CMBL: variants seen among roughly 807,000 people sequenced by gnomAD.
CMBL encodes carboxymethylenebutenolidase homolog, also known as carboxymethylenebutenolidase homolog (Pseudomonas).
Under a neutral mutation model 28.7 loss-of-function variants are expected in CMBL, and 17 were observed. The observed-to-expected ratio is 0.59, with a 90% confidence interval of 0.41 to 0.89. The LOEUF (loss-of-function observed/expected upper bound fraction) is 0.89, where lower values mean the gene tolerates loss of function less well. Ranked by LOEUF, CMBL falls within the 40% of genes least tolerant of loss-of-function variation. CMBL has a pLI of 0.00. For synonymous variants in CMBL, 106 were observed against 101.6 expected (o/e 1.04, Z -0.26); for missense variants, 310 against 298.5 (o/e 1.04, Z -0.28).
intron 1 of CMBL, among the ~76,000 whole-genome samples, chr5:10,306,430 A>G (rs1456557983): frequency 6.6e-6 from 1 of 152,052 alleles, no homozygotes; most frequent in Non-Finnish European, 1.5e-5. Flanking sequence ...AGGGAAGGCC[A>G]GGAGGGAGGG....
intron 1 of CMBL, chr5:10,307,191 T>C (rs561586322): frequency 6.0e-4 from 91 of 152,254 alleles, no homozygotes; most frequent in African/African-American, 2.1e-3. Context: ...TAGTTGCAAA[T>C]ATGCTCAGTT....
chr5:10,303,751 T>C (rs1579478906), intron 1 of CMBL, among the ~76,000 whole-genome samples: 4 of 152,322 alleles, frequency 2.6e-5, no homozygotes. Context: ...TATCCGCTCC[T>C]GACTCACTAA....
At chr5:10,299,885 T>C (rs984447355) in intron 1 of CMBL, among the ~76,000 whole-genome samples, 1 of 152,038 alleles carries the variant, frequency 6.6e-6, no homozygotes, top group African/African-American at 2.4e-5. Context: ...CACAGGCACA[T>C]GCAGTGATTA....
intron 3 of CMBL, 61 bp from the exon 4 acceptor site, chr5:10,286,557 T>G: frequency 6.6e-7 from 1 of 1,516,356 alleles, no homozygotes; most frequent in Non-Finnish European, 9.0e-7. Flanking sequence ...CTCAAAGAGC[T>G]GTGCTGATGA....
In CMBL at chr5:10,290,789, G is replaced by C. The variant is rs376223226; in HGVS notation, c.-19-8C>G. ...GCAGAGATTTAAGTCGGGCTATGGA[G>C]AGAGAAACATGCGTTATATTCTGAA... On this transcript the variant is annotated splice_polypyrimidine_tract_variant and splice_region_variant and intron_variant, in intron 1 of 5. Coordinates refer to ENST00000296658, the MANE Select transcript of CMBL (RefSeq NM_138809.4). 6.2e-5 allele frequency: 98 copies of C among 1,583,334 alleles called. No individual in the cohort carries two copies. The South Asian group carries it at 6.6e-4, about 11-fold the overall frequency.
intron 4 of CMBL, among the ~76,000 whole-genome samples, chr5:10,283,470 A>G (rs1395398801): frequency 2.6e-5 from 4 of 152,268 alleles, no homozygotes; most frequent in Non-Finnish European, 5.9e-5. Flanking sequence ...TGGGCCTAGC[A>G]GGTCAGTCTA....
chr5:10,280,411 T>G lies in CMBL; in HGVS notation c.*42A>C, dbSNP rs369632245. 7.5e-5 allele frequency: 109 copies of G among 1,461,480 alleles called. No individual in the cohort carries two copies. The African/African-American group carries it at 1.4e-3, about 18-fold the overall frequency. 90.5% of individuals were successfully genotyped at this position (1,461,480 alleles called of 1,614,324 possible). On this transcript the variant is annotated 3_prime_UTR_variant, in exon 6 of 6. Transcript: ENST00000296658. ...GATCTAACTATTTCCAAGCAAATTT[T>G]GGGATGAAAGCTATTCTAGGAAGGC...
chr5:10,301,925 G>A (rs1746907407), intron 1 of CMBL, among the ~76,000 whole-genome samples: 1 of 152,154 alleles, frequency 6.6e-6, no homozygotes, highest in Non-Finnish European at 1.5e-5. Flanking sequence ...CCTCTAATCT[G>A]AATGTTTTTA....
intron 1 of CMBL, 171 bp downstream of exon 1, chr5:10,307,454 G>C (rs928854138): frequency 4.6e-5 from 7 of 152,236 alleles, no homozygotes; most frequent in Non-Finnish European, 8.8e-5. Context: ...TGTTCTGCAA[G>C]GACAACGTAT....
At chr5:10,301,326 G>A (rs561807907) in intron 1 of CMBL, among the ~76,000 whole-genome samples, 1 of 152,232 alleles carries the variant, frequency 6.6e-6, no homozygotes, top group East Asian at 1.9e-4. Context: ...AAGGACAACT[G>A]GACTGTAGTT....
At chr5:10,280,684 C>A (rs751973286) in intron 5 of CMBL, 52 bp from the exon 6 acceptor site, 2 of 1,474,000 alleles carry the variant, frequency 1.4e-6, no homozygotes, top group Non-Finnish European at 1.9e-6. Context: ...ACTTTCCATT[C>A]TCCAAATCTT....
intron 1 of CMBL, among the ~76,000 whole-genome samples, chr5:10,296,913 G>A (rs904279906): frequency 5.3e-5 from 8 of 152,172 alleles, no homozygotes; most frequent in Non-Finnish European, 1.2e-4. Context: ...GACTGGGCGC[G>A]GTGGCTCACG....
rs1260299156 is a variant in CMBL, at chr5:10,286,500, G to A, written c.324-4C>T. The A allele has an allele frequency of 6.2e-7, 1 of 1,610,834 alleles. No homozygotes were observed. On this transcript the variant is annotated splice_region_variant and splice_polypyrimidine_tract_variant and intron_variant, in intron 3 of 5. Coordinates refer to ENST00000296658, the MANE Select transcript of CMBL (RefSeq NM_138809.4). ...CTTCAAGATAGCACTGATCTCTCTAGAACAGAAAGAAAAAATATTCAAGAA... is the reference window on the plus strand; with the variant it reads ...CTTCAAGATAGCACTGATCTCTCTAAAACAGAAAGAAAAAATATTCAAGAA...
intron 4 of CMBL, among the ~76,000 whole-genome samples, chr5:10,282,694 G>A (rs921572504): frequency 3.3e-5 from 5 of 152,158 alleles, no homozygotes; most frequent in Admixed American, 6.5e-5. Context: ...TAAGGTGGGC[G>A]GATTGCTTGA....
At chr5:10,293,942 GGT>G (rs1378377977) in intron 1 of CMBL, among the ~76,000 whole-genome samples, 1 of 152,208 alleles carries the variant, frequency 6.6e-6, no homozygotes, top group Non-Finnish European at 1.5e-5. Context: ...GTTGGTTGAG[GGT>G]GTGAGTTGCA....
Position 10,290,548 on chromosome 5 carries a change from G to A in CMBL, c.215C>T (p.Thr72Ile), listed in dbSNP as rs144114470. The A allele has an allele frequency of 1.3e-4, 211 of 1,606,372 alleles. No individual in the cohort carries two copies. Among genetic ancestry groups the A allele is most frequent in the Non-Finnish European group, 1.7e-4 (205 of 1,173,032 alleles). Residue 72 changes from threonine (T) to isoleucine (I), a missense_variant and splice_region_variant, in exon 2 of 6, where the codon ACA (threonine) becomes ATA (isoleucine). Physicochemically the swap from Thr to Ile is moderately conservative, Grantham distance 89. Transcript: ENST00000296658. ...IADMISGNGY[T>I]TIVPDFFVGQ... ...CAAAGAAACACAACTTTATACATACGTGTATCCATTTCCTGAGATCATGTC... is the reference window on the plus strand; with the variant it reads ...CAAAGAAACACAACTTTATACATACATGTATCCATTTCCTGAGATCATGTC...
intron 3 of CMBL, among the ~76,000 whole-genome samples, chr5:10,288,061 C>T (rs1746637000): frequency 6.6e-6 from 1 of 150,716 alleles, no homozygotes; most frequent in Admixed American, 6.6e-5. Context: ...AAAATCCCAG[C>T]ACTTGAGACC....
At chr5:10,286,036 T>C (rs1374384944) in intron 4 of CMBL, 2 of 230,244 alleles carry the variant, frequency 8.7e-6, no homozygotes, top group African/African-American at 4.5e-5. Context: ...TCTTGTGTGA[T>C]ATTGATCATC....
intron 1 of CMBL, among the ~76,000 whole-genome samples, chr5:10,303,559 G>A (rs1000441777): frequency 6.6e-6 from 1 of 152,202 alleles, no homozygotes; most frequent in African/African-American, 2.4e-5. Flanking sequence ...TAACAGGCTT[G>A]AAGGAAAATC....
Sources: allele counts gnomAD v4.1 joint callset (sites outside exome capture counted in the v4.1 genomes callset), GRCh38; gene constraint gnomAD v4.1.1; transcripts MANE v1.5; gene names NCBI Gene and HGNC (gene_info 2026-07-23, HGNC 2026-07-21).